GAB1: variants seen among roughly 807,000 people sequenced by gnomAD.
GAB1 encodes GRB2-associated-binding protein 1.
GAB1 carries 19 observed loss-of-function variants against 66.5 expected under a neutral mutation model. That is an observed-to-expected ratio of 0.29 (90% confidence interval 0.20 to 0.42). The LOEUF (loss-of-function observed/expected upper bound fraction) is 0.42. Among genes scored for constraint, GAB1 ranks in the 10% least tolerant of loss-of-function variants. The pLI is 1.00. For synonymous variants in GAB1, 294 were observed against 301.4 expected (o/e 0.98, Z 0.25); for missense variants, 732 against 858.5 (o/e 0.85, Z 1.84).
intron 1 of GAB1, among the ~76,000 whole-genome samples, chr4:143,392,912 C>G (rs1221451344): frequency 2.0e-5 from 3 of 152,102 alleles, no homozygotes; most frequent in Non-Finnish European, 2.9e-5. Context: ...TTAAAGCTTA[C>G]TGAGATTTTT....
intron 9 of GAB1, among the ~76,000 whole-genome samples, chr4:143,467,560 CTG>C (rs1735858304): frequency 6.6e-6 from 1 of 152,168 alleles, no homozygotes; most frequent in Admixed American, 6.5e-5. Context: ...AGGTCTGAAT[CTG>C]TGTATATTGT....
At position 143,341,174 on chromosome 4, in the gene GAB1, T is replaced by C. The variant is rs888058796; in HGVS notation, c.72+3914T>C. Among the ~76,000 whole-genome samples, 7 of 152,246 alleles carry C rather than the reference T, an allele frequency of 4.6e-5. No homozygotes were observed. The South Asian group carries it at 1.4e-3, about 31-fold the overall frequency. ...TGCTACTGTGGTGTTGCTGTTTTCATGCTGTGTTATATATTAAACAGCTGC... is the reference window on the plus strand; with the variant it reads ...TGCTACTGTGGTGTTGCTGTTTTCACGCTGTGTTATATATTAAACAGCTGC... On this transcript the variant is annotated intron_variant, in intron 1 of 9. Transcript: ENST00000262994.
chr4:143,450,658 G>A (rs1285471722), intron 6 of GAB1, among the ~76,000 whole-genome samples: 2 of 152,158 alleles, frequency 1.3e-5, no homozygotes, highest in Non-Finnish European at 2.9e-5. Context: ...GGGAGACCGA[G>A]GTGGGCAGAT....
At chr4:143,432,769 T>C (rs886670800) in intron 2 of GAB1, among the ~76,000 whole-genome samples, 1 of 152,244 alleles carries the variant, frequency 6.6e-6, no homozygotes, top group African/African-American at 2.4e-5. Flanking sequence ...GTTTTCAAAT[T>C]GCTTCATTCT....
At chr4:143,390,394 A>T (rs1560735799) in intron 1 of GAB1, among the ~76,000 whole-genome samples, 1 of 152,058 alleles carries the variant, frequency 6.6e-6, no homozygotes. Flanking sequence ...GATAATTTGT[A>T]AAGTAATAAG....
At chr4:143,442,103 A>G (rs988904398) in intron 6 of GAB1, among the ~76,000 whole-genome samples, 2 of 152,234 alleles carry the variant, frequency 1.3e-5, no homozygotes, top group African/African-American at 4.8e-5. Flanking sequence ...TTTGCATATA[A>G]TATGCAAAAA....
intron 6 of GAB1, among the ~76,000 whole-genome samples, chr4:143,450,161 T>G (rs192638242): frequency 2.0e-5 from 3 of 152,330 alleles, no homozygotes; most frequent in Admixed American, 2.0e-4. Flanking sequence ...CCTCTCAATA[T>G]TCTCTTGACT....
chr4:143,421,378 A>C (rs925510159), intron 2 of GAB1, among the ~76,000 whole-genome samples: 4 of 152,076 alleles, frequency 2.6e-5, no homozygotes, highest in Non-Finnish European at 5.9e-5. Flanking sequence ...ATGTCTTTTG[A>C]TGAACATAAA....
At chr4:143,427,049 G>T (rs1733395994) in intron 2 of GAB1, among the ~76,000 whole-genome samples, 1 of 152,140 alleles carries the variant, frequency 6.6e-6, no homozygotes, top group Non-Finnish European at 1.5e-5. Flanking sequence ...GAGGGGAACA[G>T]AATTTATTGG....
intron 1 of GAB1, among the ~76,000 whole-genome samples, chr4:143,384,939 T>C (rs1371162302): frequency 6.6e-6 from 1 of 152,194 alleles, no homozygotes; most frequent in Non-Finnish European, 1.5e-5. Flanking sequence ...TGGGAGCCAT[T>C]AGTTAGTAGA....
chr4:143,437,852 A>C, intron 3 of GAB1, 147 bp from the exon 4 acceptor site: 1 of 778,990 alleles, frequency 1.3e-6, no homozygotes, highest in South Asian at 1.9e-5. Flanking sequence ...AAGGCTAAAG[A>C]ACATTTGTGC....
intron 9 of GAB1, among the ~76,000 whole-genome samples, chr4:143,468,198 A>G (rs1467031677): frequency 1.5e-5 from 2 of 135,954 alleles, no homozygotes; most frequent in East Asian, 2.3e-4. Flanking sequence ...TGGAAGCATT[A>G]GTTTGAATTC....
intron 6 of GAB1, among the ~76,000 whole-genome samples, chr4:143,445,153 T>C (rs922920797): frequency 6.6e-6 from 1 of 152,220 alleles, no homozygotes; most frequent in Non-Finnish European, 1.5e-5. Flanking sequence ...TTTAAGTTCT[T>C]TGAGAAGTCT....
chr4:143,360,393 T>A (rs1729616117), intron 1 of GAB1, among the ~76,000 whole-genome samples: 1 of 151,512 alleles, frequency 6.6e-6, no homozygotes, highest in Non-Finnish European at 1.5e-5. Context: ...TTTTTTGAAC[T>A]AAAGGTTAAA....
chr4:143,349,755 A>G (rs988695888), intron 1 of GAB1: 9 of 1,590,220 alleles, frequency 5.7e-6, no homozygotes, highest in Non-Finnish European at 7.7e-6. Flanking sequence ...CGACGTGGCC[A>G]TTGTAGTCCC....
chr4:143,456,784 C>T (rs28925934), intron 6 of GAB1, among the ~76,000 whole-genome samples: 183 of 152,186 alleles, frequency 1.2e-3, no homozygotes, highest in African/African-American at 4.1e-3. Context: ...TTTGTAAATT[C>T]CAAGAAAAAA....
rs3049718 is a variant in GAB1, at chr4:143,373,822, CCTCTCTCTCT to C, written c.72+36587_72+36596del. On this transcript the variant is annotated intron_variant, in intron 1 of 9. Coordinates refer to ENST00000262994, the MANE Select transcript of GAB1 (RefSeq NM_002039.4). ...CCAGCCTGGGTGATGGGAGTGAAAC[CCTCTCTCTCT>C]CTCTCTCTCTCTCTCTCTCTCTCTG... Among the ~76,000 whole-genome samples, 467 of 97,848 alleles carry C rather than the reference CCTCTCTCTCT, an allele frequency of 4.8e-3. 13 individuals are homozygous for C. Among genetic ancestry groups the C allele is most frequent in the South Asian group, 0.026 (61 of 2,312 alleles). 64.2% of individuals were successfully genotyped at this position (97,848 alleles called of 152,430 possible). A position where few individuals can be genotyped will look rare whatever the true frequency, so the allele number is the denominator to read the frequency against.
At chr4:143,387,254 C>T (rs973557743) in intron 1 of GAB1, among the ~76,000 whole-genome samples, 3 of 152,200 alleles carry the variant, frequency 2.0e-5, no homozygotes, top group African/African-American at 7.2e-5. Context: ...GCCTCAGCCT[C>T]CCAAGTAGCT....
intron 1 of GAB1, among the ~76,000 whole-genome samples, chr4:143,365,515 G>T (rs1300226427): frequency 1.3e-5 from 2 of 152,124 alleles, no homozygotes; most frequent in African/African-American, 2.4e-5. Context: ...GGGATTGGGG[G>T]AGTACACTGT....
Sources: gnomAD v4.1 joint callset for allele counts (sites outside exome capture counted in the v4.1 genomes callset) on GRCh38, gnomAD v4.1.1 for gene constraint, MANE v1.5 for transcripts, NCBI Gene and HGNC (gene_info 2026-07-23, HGNC 2026-07-21) for gene names.